The following IGDCC4 variants were observed in gnomAD, a reference collection of about 807,000 sequenced individuals.
IGDCC4 encodes immunoglobulin superfamily DCC subclass member 4, also known as likely ortholog of mouse neighbor of Punc E11.
A neutral mutation model predicts 116.6 loss-of-function variants in IGDCC4; 72 were observed. That is an observed-to-expected ratio of 0.62 (90% CI 0.51 to 0.75). The LOEUF is 0.75. Ranked by LOEUF, IGDCC4 falls within the 30% of genes least tolerant of loss-of-function variation. The pLI is 0.00. For synonymous variants in IGDCC4, 709 were observed against 719.9 expected, an observed-to-expected ratio of 0.98 and a Z score of 0.24; for missense variants, 1,501 against 1,662.4, an observed-to-expected ratio of 0.90 and a Z score of 1.69.
intron 1 of IGDCC4, 49 bp downstream of exon 1, chr15:65,422,744 G>A (rs1447866119): frequency 2.3e-6 from 3 of 1,298,746 alleles, no homozygotes; most frequent in East Asian, 3.2e-5. Flanking sequence ...GGGCGCGGGC[G>A]CACCAGCACT....
At position 65,422,810 on chromosome 15, in the gene IGDCC4, CAGA is replaced by C. The variant is rs2063206126; in HGVS notation, c.50_52del (p.Phe17del). 2 of 1,298,602 alleles carry C rather than the reference CAGA, an allele frequency of 1.5e-6. No homozygotes were observed. The highest frequency in any genetic ancestry group is 2.1e-5 in the South Asian group (1 of 48,490). 80.4% of individuals were successfully genotyped at this position (1,298,602 alleles called of 1,614,324 possible). ...GCCCTTACCGCGCGCGGCCAACAGG[CAGA>C]AGGTCAACGCGAGGAGCCCGCGGCC... On this transcript the variant is annotated inframe_deletion, in exon 1 of 20. Coordinates refer to ENST00000352385, the MANE Select transcript of IGDCC4 (RefSeq NM_020962.3).
intron 7 of IGDCC4, 104 bp downstream of exon 7, chr15:65,395,646 G>C (rs2062916124): frequency 8.0e-7 from 1 of 1,243,920 alleles, no homozygotes; most frequent in Admixed American, 3.3e-5. Flanking sequence ...CATCCTTGCC[G>C]CAGAGGTACC....
At chr15:65,417,413 GACCCTCT>G (rs2063154499) in intron 1 of IGDCC4, among the ~76,000 whole-genome samples, 2 of 152,198 alleles carry the variant, frequency 1.3e-5, no homozygotes, top group South Asian at 4.2e-4. Context: ...GCTCCCCTGA[GACCCTCT>G]ACCCCTCCAC....
At chr15:65,407,121 G>C (rs914809890) in intron 3 of IGDCC4, among the ~76,000 whole-genome samples, 1 of 152,022 alleles carries the variant, frequency 6.6e-6, no homozygotes, top group Non-Finnish European at 1.5e-5. Context: ...TGAGTACTAA[G>C]CTGTGTGACC....
Position 65,395,646 on chromosome 15 carries a change from G to A in IGDCC4, c.1411+104C>T. On this transcript the variant is annotated intron_variant, in intron 7 of 19. Coordinates refer to ENST00000352385, the MANE Select transcript of IGDCC4 (RefSeq NM_020962.3). ...GCTCCTACCCCAGTCCATCCTTGCC[G>A]CAGAGGTACCCATCAGGCAACCCTT... 7 of 1,243,918 alleles carry A rather than the reference G, an allele frequency of 5.6e-6. No individual in the cohort carries two copies. The East Asian group carries it at 1.1e-4, about 20-fold the overall frequency. The allele number at this position is 1,243,918 out of a possible 1,614,324, so 77.1% of individuals were successfully genotyped here. A position where few individuals can be genotyped will look rare whatever the true frequency, so the allele number is the denominator to read the frequency against.
In IGDCC4 at chr15:65,410,326, A is replaced by T. The variant is rs1299357153; in HGVS notation, c.422-7T>A. Reference sequence around the variant, plus strand: ...AGAGAGAAGTCTGCGAGTGCTGGGGACAGTGAGACACAGGCAGGGACGGGA... The same window carrying T: ...AGAGAGAAGTCTGCGAGTGCTGGGGTCAGTGAGACACAGGCAGGGACGGGA... On this transcript the variant is annotated splice_region_variant and splice_polypyrimidine_tract_variant and intron_variant, in intron 2 of 19. Transcript: ENST00000352385. The T allele has an allele frequency of 6.2e-7, 1 of 1,613,866 alleles. No individual in the cohort carries two copies. Among genetic ancestry groups the T allele is most frequent in the African/African-American group, 1.3e-5 (1 of 75,030 alleles).
chr15:65,383,791 A>C lies in IGDCC4; in HGVS notation c.*218T>G. 2.1e-6 allele frequency: 1 copy of C among 484,050 alleles called. No individual in the cohort carries two copies. Among genetic ancestry groups the C allele is most frequent in the South Asian group, 4.2e-5 (1 of 23,974 alleles). The allele number at this position is 484,050 out of a possible 1,614,324, so 30.0% of individuals were successfully genotyped here. A position where few individuals can be genotyped will look rare whatever the true frequency, so the allele number is the denominator to read the frequency against. On this transcript the variant is annotated 3_prime_UTR_variant, in exon 20 of 20. Coordinates refer to ENST00000352385, the MANE Select transcript of IGDCC4 (RefSeq NM_020962.3). ...ACACATGTGCACATCACATGTAGCT[A>C]TGTCTCGTATGTCTTTCACATGTCA...
intron 1 of IGDCC4, among the ~76,000 whole-genome samples, chr15:65,417,977 G>A (rs936776448): frequency 3.3e-5 from 5 of 152,070 alleles, no homozygotes; most frequent in African/African-American, 4.8e-5. Flanking sequence ...CTAAATCCTC[G>A]GTACCTGGAA....
chr15:65,408,007 G>A (rs984299521), intron 3 of IGDCC4, among the ~76,000 whole-genome samples: 1 of 151,692 alleles, frequency 6.6e-6, no homozygotes, highest in Non-Finnish European at 1.5e-5. Flanking sequence ...GAGCTCAAGC[G>A]ATCCGCCCGC....
At chr15:65,394,181 G>C (rs1307023587) in intron 9 of IGDCC4, among the ~76,000 whole-genome samples, 1 of 152,130 alleles carries the variant, frequency 6.6e-6, no homozygotes, top group African/African-American at 2.4e-5. Context: ...CACTGCAGCT[G>C]TAGAGGGGTT....
intron 16 of IGDCC4, among the ~76,000 whole-genome samples, chr15:65,387,956 C>A (rs947556450): frequency 6.6e-6 from 1 of 151,840 alleles, no homozygotes; most frequent in Non-Finnish European, 1.5e-5. Context: ...CTAAAAAATA[C>A]AATAATTGGC....
Position 65,385,052 on chromosome 15 carries a change from G to A in IGDCC4, c.3244C>T (p.Gln1082Ter), listed in dbSNP as rs776675071. 6.2e-7 allele frequency: 1 copy of A among 1,603,612 alleles called. No individual in the cohort carries two copies. Among genetic ancestry groups the A allele is most frequent in the Non-Finnish European group, 8.5e-7 (1 of 1,177,194 alleles). ...GTCAGAGCCGGCCGGGGGCCTGCCT[G>A]GGGCAGCTCACAGCCTGCCCAGGAA... ...AGSWAGCELP[Q>*]AGPRPALTRA... The change falls in exon 19 of 20, where the codon CAG becomes TAG. Residue 1082 changes from glutamine to a stop codon, truncating the protein, a stop_gained. Transcript: ENST00000352385. LOFTEE classifies it high-confidence loss of function.
intron 2 of IGDCC4, chr15:65,410,613 C>T: frequency 4.0e-6 from 2 of 495,716 alleles, no homozygotes; most frequent in South Asian, 4.6e-5. Flanking sequence ...TGATCTGTGC[C>T]TCCTGAGAGC....
rs1240511705 is a variant in IGDCC4, at chr15:65,393,761, G to A, written c.1715-230C>T. Among the ~76,000 whole-genome samples the A allele has an allele frequency of 3.3e-5, 5 of 152,176 alleles. No homozygotes were observed. Among genetic ancestry groups the A allele is most frequent in the Non-Finnish European group, 5.9e-5 (4 of 68,022 alleles). ...CCATCAGCCTGGGCTCAGCTGCAGG[G>A]AGAATGATGGCAGGCTTTCCCCACT... On this transcript the variant is annotated intron_variant, in intron 9 of 19. Transcript: ENST00000352385. This position sits in a 1 kb window ranked among gnomAD's most constrained non-coding sequence, Gnocchi z 4.6.
intron 1 of IGDCC4, 43 bp from the exon 2 acceptor site, chr15:65,411,413 C>G (rs200769621): frequency 4.7e-4 from 688 of 1,459,276 alleles, no homozygotes; most frequent in Non-Finnish European, 4.5e-4. Flanking sequence ...TATGTCCCCC[C>G]ACCTCCCACA....
At chr15:65,395,438 C>T (rs546539515) in intron 7 of IGDCC4, among the ~76,000 whole-genome samples, 180 bp from the exon 8 acceptor site, 1 of 152,254 alleles carries the variant, frequency 6.6e-6, no homozygotes, top group African/African-American at 2.4e-5. Context: ...TTAATTCCTC[C>T]ACTGGTTAGG....
intron 1 of IGDCC4, among the ~76,000 whole-genome samples, chr15:65,416,426 C>T (rs1336445740): frequency 6.6e-6 from 1 of 152,106 alleles, no homozygotes; most frequent in Admixed American, 6.5e-5. Context: ...CATGAGCCAC[C>T]GCGCCCGGCC....
chr15:65,398,666 T>C (rs900827198), intron 5 of IGDCC4, among the ~76,000 whole-genome samples: 8 of 151,464 alleles, frequency 5.3e-5, no homozygotes, highest in South Asian at 2.1e-4. Flanking sequence ...ATCACGAGGT[T>C]GGATCACGAG....
At position 65,384,251 on chromosome 15, in the gene IGDCC4, CAACA is replaced by C; in HGVS notation, c.3507_3510del (p.Val1170GlyfsTer49). 6.2e-7 allele frequency: 1 copy of C among 1,601,214 alleles called. No homozygotes were observed. Among genetic ancestry groups the C allele is most frequent in the Non-Finnish European group, 8.5e-7 (1 of 1,171,616 alleles). On this transcript the variant is annotated frameshift_variant, in exon 20 of 20. Coordinates refer to ENST00000352385, the MANE Select transcript of IGDCC4 (RefSeq NM_020962.3). LOFTEE classifies it low-confidence loss of function (END_TRUNC). This position sits in a 1 kb window ranked among gnomAD's most constrained non-coding sequence, Gnocchi z 4.9. Reference sequence around the variant, plus strand: ...CAGGCTGCCCCCTGCCCTGGATCCCCAACACCCGAGATGAGATCAGGAGCCTCTG... The same window carrying C: ...CAGGCTGCCCCCTGCCCTGGATCCCCCCCGAGATGAGATCAGGAGCCTCTG...
Sources: allele counts gnomAD v4.1 joint callset (sites outside exome capture counted in the v4.1 genomes callset), GRCh38; gene constraint gnomAD v4.1.1; non-coding constraint Gnocchi (gnomAD v3.1); transcripts MANE v1.5; gene names NCBI Gene and HGNC (gene_info 2026-07-23, HGNC 2026-07-21).